The following SAMMSON variants were observed in gnomAD, a reference collection of about 807,000 sequenced individuals.
SAMMSON encodes long intergenic non-protein coding RNA 1212.
At chr3:70,236,329 A>T (rs556749841) in intron 4 of SAMMSON, among the ~76,000 whole-genome samples, 1 of 151,994 alleles carries the variant, frequency 6.6e-6, no homozygotes, top group Non-Finnish European at 1.5e-5. Flanking sequence ...TCTCCCCTTA[A>T]TCCATATTGT....
At chr3:70,310,468 C>A (rs879901212) in intron 7 of SAMMSON, among the ~76,000 whole-genome samples, 2 of 151,894 alleles carry the variant, frequency 1.3e-5, no homozygotes, top group African/African-American at 2.4e-5. Flanking sequence ...CCAGTTCAAG[C>A]GATTATCCTG....
intron 7 of SAMMSON, among the ~76,000 whole-genome samples, chr3:70,327,620 A>C (rs947709381): frequency 6.6e-6 from 1 of 152,206 alleles, no homozygotes; most frequent in Non-Finnish European, 1.5e-5. Context: ...GAAGACTACC[A>C]GAAAGGAAAA....
chr3:70,280,388 T>C (rs1702068705), intron 6 of SAMMSON, among the ~76,000 whole-genome samples: 1 of 152,194 alleles, frequency 6.6e-6, no homozygotes, highest in African/African-American at 2.4e-5. Context: ...CCTGACATTC[T>C]GGGTGGCCAT....
intron 7 of SAMMSON, among the ~76,000 whole-genome samples, chr3:70,335,705 T>C (rs1702655392): frequency 6.6e-6 from 1 of 152,022 alleles, no homozygotes. Context: ...GCTTGCGAAG[T>C]ATTGAAGTTA....
rs549663200 is a variant in SAMMSON at position 70,048,053 on chromosome 3, C to T, written n.418-23423C>T. Among the ~76,000 whole-genome samples the T allele has an allele frequency of 3.3e-5, 5 of 152,076 alleles. No individual in the cohort carries two copies. In the East Asian group the frequency reaches 5.8e-4, roughly 18 times the overall value. ...AATGATTTGAATAGCAAAAATACCA[C>T]TCAGGTAATTAAAAGACACATTTTG... is the stretch of plus-strand genomic sequence containing the variant. On this transcript the variant is annotated intron_variant and non_coding_transcript_variant, in intron 3 of 9. Coordinates refer to ENST00000642114, the Ensembl canonical transcript of SAMMSON.
chr3:70,135,457 GA>G lies in SAMMSON; in HGVS notation n.507+63894del, dbSNP rs140245806. 8.5e-3 allele frequency among the ~76,000 whole-genome samples: 1,296 copies of G among 152,144 alleles called. 25 individuals are homozygous for G. Among genetic ancestry groups the G allele is most frequent in the African/African-American group, 0.03 (1,255 of 41,510 alleles). ...TTTTGGGTTTGTAAGAATGACTTAT[GA>G]ATCTCAAAATTCTTCAAAAGGCAAC... On this transcript the variant is annotated intron_variant and non_coding_transcript_variant, in intron 4 of 9. Transcript: ENST00000642114.
At chr3:70,061,169 A>T (rs1421720466) in intron 3 of SAMMSON, among the ~76,000 whole-genome samples, 2 of 152,092 alleles carry the variant, frequency 1.3e-5, no homozygotes, top group Non-Finnish European at 1.5e-5. Flanking sequence ...TAGACAAGGC[A>T]GGAAGAGGGA....
intron 9 of SAMMSON, among the ~76,000 whole-genome samples, chr3:70,368,672 T>C: frequency 1.3e-5 from 2 of 151,718 alleles, no homozygotes; most frequent in Middle Eastern, 6.8e-3. Flanking sequence ...AATATTGCTT[T>C]CCTGTATTTG....
chr3:70,100,117 A>T (rs1376374129), intron 4 of SAMMSON, among the ~76,000 whole-genome samples: 1 of 152,072 alleles, frequency 6.6e-6, no homozygotes, highest in African/African-American at 2.4e-5. Flanking sequence ...TAGTTTTGGC[A>T]GTATTTTCAT....
At chr3:70,168,132 A>G (rs1449746870) in intron 4 of SAMMSON, among the ~76,000 whole-genome samples, 2 of 151,952 alleles carry the variant, frequency 1.3e-5, no homozygotes, top group African/African-American at 4.8e-5. Flanking sequence ...TTCCTATTCC[A>G]TCTTTGAGTA....
intron 6 of SAMMSON, among the ~76,000 whole-genome samples, chr3:70,250,506 C>A (rs1280104117): frequency 6.6e-6 from 1 of 151,700 alleles, no homozygotes; most frequent in Non-Finnish European, 1.5e-5. Flanking sequence ...CAGGACATTT[C>A]TTTGAGCTTT....
At chr3:70,279,366 A>G (rs1290501059) in intron 6 of SAMMSON, among the ~76,000 whole-genome samples, 1 of 152,074 alleles carries the variant, frequency 6.6e-6, no homozygotes, top group Non-Finnish European at 1.5e-5. Flanking sequence ...TTCGATTCCA[A>G]TGGTCATTTG....
chr3:70,403,429 G>A (rs969706352), intron 2 of SAMMSON, among the ~76,000 whole-genome samples: 10 of 152,180 alleles, frequency 6.6e-5, no homozygotes, highest in African/African-American at 9.6e-5. Context: ...AGTCTTAGTG[G>A]TTCAAAACTG....
At chr3:70,195,019 T>G (rs1402658943) in intron 4 of SAMMSON, among the ~76,000 whole-genome samples, 3 of 152,118 alleles carry the variant, frequency 2.0e-5, no homozygotes, top group Non-Finnish European at 4.4e-5. Context: ...CCTGCACCAC[T>G]GAGTACCAGC....
intron 4 of SAMMSON, among the ~76,000 whole-genome samples, chr3:70,101,537 A>C (rs183749070): frequency 2.6e-5 from 4 of 152,288 alleles, no homozygotes; most frequent in African/African-American, 9.6e-5. Flanking sequence ...AAAGAGTGAG[A>C]AAATAAATAT....
intron 7 of SAMMSON, among the ~76,000 whole-genome samples, chr3:70,333,188 T>A (rs1359866704): frequency 6.6e-6 from 1 of 152,130 alleles, no homozygotes; most frequent in East Asian, 1.9e-4. Flanking sequence ...TTCTTCCTTG[T>A]GGACAGAGCC....
intron 9 of SAMMSON, among the ~76,000 whole-genome samples, chr3:70,373,984 G>A (rs1702990887): frequency 6.6e-6 from 1 of 152,086 alleles, no homozygotes. Flanking sequence ...GCGCCATCTC[G>A]GCTCACTGCA....
chr3:70,412,707 G>A (rs1031296351), intron 2 of SAMMSON, among the ~76,000 whole-genome samples: 4 of 152,090 alleles, frequency 2.6e-5, no homozygotes, highest in African/African-American at 7.2e-5. Context: ...GGAAATAGTT[G>A]GTAGATTAGA....
chr3:70,006,614 C>T (rs1427565051), intron 1 of SAMMSON, among the ~76,000 whole-genome samples: 1 of 152,116 alleles, frequency 6.6e-6, no homozygotes, highest in African/African-American at 2.4e-5. Flanking sequence ...AGCAATGCTC[C>T]TTGGATCAAC....
Sources: gnomAD v4.1 joint callset for allele counts (sites outside exome capture counted in the v4.1 genomes callset) on GRCh38, gnomAD v4.1.1 for gene constraint, MANE v1.5 for transcripts, NCBI Gene and HGNC (gene_info 2026-07-23, HGNC 2026-07-21) for gene names.